Variants in TTC39C observed in about 807,000 individuals in gnomAD.
The protein encoded by TTC39C is tetratricopeptide repeat protein 39C.
A neutral mutation model predicts 76.3 loss-of-function variants in TTC39C; 33 were observed. That is an observed-to-expected ratio of 0.43 (90% CI 0.33 to 0.58). The LOEUF is 0.58. Ranked by LOEUF, TTC39C falls within the 20% of genes least tolerant of loss-of-function variation. The pLI, the probability that TTC39C is intolerant of heterozygous loss-of-function variation, is 0.04. For missense variants in TTC39C, 595 were observed against 701.4 expected (o/e 0.85, Z 1.71); for synonymous variants, 254 against 260.6 (o/e 0.97, Z 0.24).
chr18:24,129,725 G>C (rs190228212), intron 11 of TTC39C, among the ~76,000 whole-genome samples: 92 of 140,776 alleles, frequency 6.5e-4, no homozygotes, highest in Non-Finnish European at 8.5e-4. Flanking sequence ...AGCGAGCTGA[G>C]ATCATACCAC....
In TTC39C at chr18:24,031,460, C is replaced by G. The variant is rs544245572; in HGVS notation, c.167+16422C>G. ...TCAGTTTTCTAGCCCTGATCTTCTTCCGGGGCTCTCAGGCTCAGTGGACTG... is the reference window on the plus strand; with the variant it reads ...TCAGTTTTCTAGCCCTGATCTTCTTGCGGGGCTCTCAGGCTCAGTGGACTG... On this transcript the variant is annotated intron_variant, in intron 1 of 13. Transcript: ENST00000317571. Among the ~76,000 whole-genome samples the G allele has an allele frequency of 2.0e-4, 31 of 152,300 alleles. No homozygotes were observed. In the South Asian group the frequency reaches 6.4e-3, roughly 32 times the overall value.
chr18:24,100,145 G>A (rs1222783506), intron 6 of TTC39C, among the ~76,000 whole-genome samples: 1 of 152,112 alleles, frequency 6.6e-6, no homozygotes, highest in Admixed American at 6.5e-5. Flanking sequence ...TTGTGTTCTG[G>A]GATTAGGGAT....
At chr18:24,059,837 T>C (rs1399557250) in intron 1 of TTC39C, among the ~76,000 whole-genome samples, 1 of 152,122 alleles carries the variant, frequency 6.6e-6, no homozygotes, top group Non-Finnish European at 1.5e-5. Context: ...TTTAATTAAC[T>C]CATAGTTCCA....
At chr18:24,018,882 A>G (rs2083486963) in intron 1 of TTC39C, among the ~76,000 whole-genome samples, 1 of 151,906 alleles carries the variant, frequency 6.6e-6, no homozygotes, top group Non-Finnish European at 1.5e-5. Flanking sequence ...TTCTGCACTT[A>G]TTTTCTTCCT....
intron 1 of TTC39C, among the ~76,000 whole-genome samples, chr18:24,034,017 T>C (rs1307191989): frequency 6.6e-6 from 1 of 152,234 alleles, no homozygotes; most frequent in East Asian, 1.9e-4. Flanking sequence ...CCTGGAATGT[T>C]GACACTGCCC....
chr18:24,028,152 A>C (rs2083620950), intron 1 of TTC39C, among the ~76,000 whole-genome samples: 1 of 152,196 alleles, frequency 6.6e-6, no homozygotes, highest in Non-Finnish European at 1.5e-5. Flanking sequence ...GGGAAAAAAA[A>C]AGGAGGTGGG....
At chr18:24,045,914 T>TATATGTATATGTAC (rs1555769976) in intron 1 of TTC39C, among the ~76,000 whole-genome samples, 1 of 31,106 alleles carries the variant, frequency 3.2e-5, no homozygotes, top group East Asian at 7.3e-4. Flanking sequence ...TATATATATA[T>TATATGTATATGTAC]ATATATATAT....
At chr18:24,089,576 A>G (rs2084492589) in intron 6 of TTC39C, among the ~76,000 whole-genome samples, 1 of 152,176 alleles carries the variant, frequency 6.6e-6, no homozygotes, top group Non-Finnish European at 1.5e-5. Flanking sequence ...CCGTTTACCG[A>G]AATGAGAAGA....
chr18:24,018,795 A>G (rs1220497390), intron 1 of TTC39C, among the ~76,000 whole-genome samples: 1 of 152,164 alleles, frequency 6.6e-6, no homozygotes, highest in Non-Finnish European at 1.5e-5. Flanking sequence ...ACGTGGAGAC[A>G]TGAAATGACA....
Position 24,005,835 on chromosome 18 carries a change from A to C in TTC39C, c.-17+12797A>C, listed in dbSNP as rs966171482. 5.4e-5 allele frequency among the ~76,000 whole-genome samples: 8 copies of C among 147,382 alleles called. No individual in the cohort carries two copies. The East Asian group carries it at 1.8e-3, about 32-fold the overall frequency. On this transcript the variant is annotated intron_variant, in intron 1 of 13. Coordinates refer to the TTC39C transcript ENST00000304621. ...ACTCCAGCATGGCCGACTGAGTGAGACCCTGTCTCAAAAAAAAAAAAACAA... is the reference window on the plus strand; with the variant it reads ...ACTCCAGCATGGCCGACTGAGTGAGCCCCTGTCTCAAAAAAAAAAAAACAA...
intron 1 of TTC39C, among the ~76,000 whole-genome samples, chr18:24,007,046 G>C (rs1404181624): frequency 1.3e-5 from 2 of 152,230 alleles, no homozygotes; most frequent in African/African-American, 4.8e-5. Flanking sequence ...ATTACTTGCA[G>C]ATAGAAAACT....
At chr18:24,075,484 G>T (rs2084292745) in intron 4 of TTC39C, among the ~76,000 whole-genome samples, 1 of 151,844 alleles carries the variant, frequency 6.6e-6, no homozygotes, top group Non-Finnish European at 1.5e-5. Flanking sequence ...AGGAGTTTGA[G>T]ACCAGCCTGG....
rs1292731501 is a variant in TTC39C, at chr18:24,082,946, C to T, written c.849C>T (p.Arg283=). ...TGCTCTGGTATCATACTGTAGTCCG[C>T]CCGTTTTTTGCCTTGGATGGCAGTG... ...LALLWYHTVV[R]PFFALDGSDN... is the part of the protein sequence containing the mutation. Residue 283 remains arginine, a synonymous_variant, in exon 6 of 14, where the codon CGC becomes CGT. Coordinates refer to ENST00000317571, the MANE Select transcript of TTC39C (RefSeq NM_001135993.2). 9 of 1,613,790 alleles carry T rather than the reference C, an allele frequency of 5.6e-6. No homozygotes were observed. In the South Asian group the frequency reaches 7.7e-5, roughly 14 times the overall value.
chr18:24,108,817 T>C (rs906622841), intron 6 of TTC39C, among the ~76,000 whole-genome samples: 13 of 152,326 alleles, frequency 8.5e-5, no homozygotes, highest in African/African-American at 3.1e-4. Flanking sequence ...TGTGTATTTA[T>C]GATAGAATCT....
chr18:24,116,061 C>T lies in TTC39C; in HGVS notation c.1078+1414C>T, dbSNP rs77558367. 5.2e-4 allele frequency among the ~76,000 whole-genome samples: 79 copies of T among 152,336 alleles called. 1 individual carries two copies. Among genetic ancestry groups the T allele is most frequent in the Middle Eastern group, 3.4e-3 (1 of 294 alleles). On this transcript the variant is annotated intron_variant, in intron 7 of 13. Coordinates refer to ENST00000317571, the MANE Select transcript of TTC39C (RefSeq NM_001135993.2). ...GTAACTCGGGCTTCCGATTCAGGCT[C>T]GGAAGCTTGAGTTGGTACTTTTTCC...
intron 6 of TTC39C, among the ~76,000 whole-genome samples, chr18:24,103,579 C>A (rs1395078703): frequency 6.6e-6 from 1 of 152,200 alleles, no homozygotes; most frequent in Admixed American, 6.5e-5. Flanking sequence ...TCAGCGTCAG[C>A]TTTTATCTGC....
chr18:24,065,822 A>G (rs1414038236), intron 2 of TTC39C, among the ~76,000 whole-genome samples, 190 bp from the exon 3 acceptor site: 3 of 152,238 alleles, frequency 2.0e-5, no homozygotes, highest in Admixed American at 2.0e-4. Context: ...ATGATGTGAT[A>G]GAGGTATAGT....
intron 1 of TTC39C, among the ~76,000 whole-genome samples, chr18:24,054,723 T>C (rs1214613504): frequency 1.3e-5 from 2 of 152,250 alleles, no homozygotes; most frequent in Admixed American, 1.3e-4. Flanking sequence ...TTTTTTCAAT[T>C]AATTTGTTAA....
intron 1 of TTC39C, among the ~76,000 whole-genome samples, chr18:24,015,731 G>A (rs1432182481): frequency 6.6e-6 from 1 of 152,024 alleles, no homozygotes; most frequent in Non-Finnish European, 1.5e-5. Flanking sequence ...GAAAATGGAG[G>A]GATTTTTAAA....
Sources: allele counts gnomAD v4.1 joint callset (sites outside exome capture counted in the v4.1 genomes callset), GRCh38; gene constraint gnomAD v4.1.1; transcripts MANE v1.5; gene names NCBI Gene and HGNC (gene_info 2026-07-23, HGNC 2026-07-21).